The following BTNL8 variants were observed in gnomAD, a reference collection of about 807,000 sequenced individuals.
BTNL8 encodes butyrophilin-like protein 8.
A neutral mutation model predicts 36.1 loss-of-function variants in BTNL8; 22 were observed. The observed-to-expected ratio is 0.61, with a 90% CI of 0.44 to 0.87. The LOEUF is 0.87. Among genes scored for constraint, BTNL8 ranks in the 40% least tolerant of loss-of-function variants. The pLI is 0.00. For synonymous variants in BTNL8, 203 were observed against 235.6 expected (o/e 0.86, Z 1.27); for missense variants, 526 against 616.9 (o/e 0.85, Z 1.56).
chr5:180,943,910 A>T (rs1247531229), intron 3 of BTNL8, among the ~76,000 whole-genome samples: 2 of 152,274 alleles, frequency 1.3e-5, no homozygotes, highest in African/African-American at 4.8e-5. Flanking sequence ...AGTAATAAAA[A>T]GAGTGAAATC....
intron 4 of BTNL8, 130 bp downstream of exon 4, chr5:180,947,755 A>G (rs758931146): frequency 6.2e-7 from 1 of 1,613,740 alleles, no homozygotes; most frequent in Non-Finnish European, 8.5e-7. Context: ...GGCCCAAAAA[A>G]GTAATCATCC....
chr5:180,949,186 G>A lies in BTNL8; in HGVS notation c.836-53G>A, dbSNP rs184252862. The A allele has an allele frequency of 2.4e-4, 341 of 1,441,574 alleles. 57 individuals carry two copies. The highest frequency in any genetic ancestry group is 1.8e-3 in the South Asian group (158 of 88,856). The allele number at this position is 1,441,574 out of a possible 1,614,324, so 89.3% of individuals were successfully genotyped here. ...TCCTTGGTCTTTCCCTTCTCCCTGCGCCCTGTTTCCCACGTGAGCACTGAA... is the reference window on the plus strand; with the variant it reads ...TCCTTGGTCTTTCCCTTCTCCCTGCACCCTGTTTCCCACGTGAGCACTGAA... On this transcript the variant is annotated intron_variant, in intron 6 of 7. Transcript: ENST00000340184.
chr5:180,902,514 A>AG, intron 1 of BTNL8: 1 of 1,067,718 alleles, frequency 9.4e-7, no homozygotes. Context: ...CACACTATAA[A>AG]GGGTTTTTTT....
chr5:180,931,571 G>C (rs1758384527), intron 3 of BTNL8, among the ~76,000 whole-genome samples: 1 of 151,928 alleles, frequency 6.6e-6, no homozygotes, highest in Admixed American at 6.6e-5. Context: ...CTGACAAAGG[G>C]CTAATATCCA....
rs369246811 is a variant in BTNL8, at chr5:180,928,840, C to A, written c.673+17226C>A. Reference sequence around the variant, plus strand: ...AAGTTCTTAGAGACCTACAAAGAGACTTAGACTCCCACACAATAATAGTGG... The same window carrying A: ...AAGTTCTTAGAGACCTACAAAGAGAATTAGACTCCCACACAATAATAGTGG... On this transcript the variant is annotated intron_variant, in intron 3 of 7. Coordinates refer to ENST00000340184, the MANE Select transcript of BTNL8 (RefSeq NM_001040462.3). 2.6e-5 allele frequency among the ~76,000 whole-genome samples: 4 copies of A among 152,308 alleles called. No homozygotes were observed. The South Asian group carries it at 6.2e-4, about 24-fold the overall frequency.
intron 1 of BTNL8, chr5:180,902,382 C>T: frequency 6.4e-7 from 1 of 1,550,950 alleles, no homozygotes; most frequent in Non-Finnish European, 8.7e-7. Context: ...CTGATGTGGA[C>T]ATGGTTTGTC....
rs1176477871 is a variant in BTNL8 at position 180,908,858 on chromosome 5, G to A, written c.322G>A (p.Asp108Asn). ...SLRLENITVL[D>N]AGLYGCRISS... ...GAGGCTGGAAAACATTACTGTGTTG[G>A]ATGCTGGCCTCTATGGGTGCAGGAT... The change falls in exon 2 of 8, where the codon GAT becomes AAT. Residue 108 changes from aspartate (D) to asparagine (N), a missense_variant. Around this residue, in one of 2 missense-constraint regions of BTNL8, gnomAD observed 350 missense variants for 324.6 expected, o/e 1.08. Transcript: ENST00000340184. The A allele has an allele frequency of 6.2e-7, 1 of 1,614,206 alleles. No individual in the cohort carries two copies. Among genetic ancestry groups the A allele is most frequent in the South Asian group, 1.1e-5 (1 of 91,084 alleles).
At chr5:180,910,597 T>C (rs796115086) in intron 2 of BTNL8, among the ~76,000 whole-genome samples, 32 of 152,366 alleles carry the variant, frequency 2.1e-4, no homozygotes, top group African/African-American at 7.7e-4. Context: ...CTAACTTGCC[T>C]ATTGCCTTCC....
chr5:180,927,034 C>A (rs6872319), intron 3 of BTNL8, among the ~76,000 whole-genome samples: 68,213 of 151,974 alleles, frequency 0.45, 16,396 homozygotes, highest in African/African-American at 0.63. Flanking sequence ...CTGAAAGACA[C>A]CTCCCAGCAG....
At chr5:180,947,112 A>T (rs1759296122) in intron 3 of BTNL8, among the ~76,000 whole-genome samples, 1 of 152,262 alleles carries the variant, frequency 6.6e-6, no homozygotes, top group African/African-American at 2.4e-5. Flanking sequence ...AACTTAGTCT[A>T]GTTTATACCA....
Position 180,911,510 on chromosome 5 carries a change from A to G in BTNL8, c.569A>G (p.Asp190Gly). 6.2e-7 allele frequency: 1 copy of G among 1,614,134 alleles called. No homozygotes were observed. Among genetic ancestry groups the G allele is most frequent in the Non-Finnish European group, 8.5e-7 (1 of 1,180,020 alleles). ...AACAGAGACATGCATGGCCTGTTTG[A>G]TGTGGAGATCTCTCTGACCGTCCAA... Reference protein sequence around the residue: ...RTNRDMHGLFDVEISLTVQEN... With the variant: ...RTNRDMHGLFGVEISLTVQEN... Residue 190 changes from aspartate (D) to glycine (G), a missense_variant, in exon 3 of 8, where the codon GAT (aspartate) becomes GGT (glycine). Physicochemically the swap from Asp to Gly is moderately conservative, Grantham distance 94. Around this residue, in one of 2 missense-constraint regions of BTNL8, gnomAD observed 350 missense variants for 324.6 expected, o/e 1.08. Transcript: ENST00000340184.
At chr5:180,942,875 G>C (rs1318393819) in intron 3 of BTNL8, among the ~76,000 whole-genome samples, 1 of 151,938 alleles carries the variant, frequency 6.6e-6, no homozygotes, top group Non-Finnish European at 1.5e-5. Context: ...CATTGGACTG[G>C]GCAATAATTT....
intron 3 of BTNL8, among the ~76,000 whole-genome samples, chr5:180,940,004 G>A (rs1268972792): frequency 6.6e-6 from 1 of 152,070 alleles, no homozygotes; most frequent in African/African-American, 2.4e-5. Context: ...GCTTAATGCA[G>A]AAATTAAAAA....
intron 1 of BTNL8, among the ~76,000 whole-genome samples, chr5:180,899,928 G>C (rs897401575): frequency 6.6e-6 from 1 of 152,172 alleles, no homozygotes; most frequent in Non-Finnish European, 1.5e-5. Context: ...AATTCACAGA[G>C]GAAGCTTGAG....
chr5:180,911,040 C>T (rs976227624), intron 2 of BTNL8, among the ~76,000 whole-genome samples: 15 of 152,226 alleles, frequency 9.9e-5, no homozygotes, highest in Non-Finnish European at 1.5e-4. Context: ...GTTACTCCTA[C>T]GCCTGGCGGC....
chr5:180,940,343 GA>G (rs201333207), intron 3 of BTNL8, among the ~76,000 whole-genome samples: 33,850 of 126,174 alleles, frequency 0.27, 4,401 homozygotes, highest in Admixed American at 0.34. Flanking sequence ...CATCTCAGAG[GA>G]AAAAAAAAAA....
At chr5:180,933,257 A>T (rs1171033008) in intron 3 of BTNL8, among the ~76,000 whole-genome samples, 1 of 152,226 alleles carries the variant, frequency 6.6e-6, no homozygotes, top group Non-Finnish European at 1.5e-5. Context: ...TAATCTAGAC[A>T]CACAATCAAT....
intron 3 of BTNL8, among the ~76,000 whole-genome samples, chr5:180,923,575 G>T (rs1444516480): frequency 6.6e-6 from 1 of 151,808 alleles, no homozygotes; most frequent in Middle Eastern, 3.2e-3. Flanking sequence ...CATGGTAGGA[G>T]GTTTAAACCC....
chr5:180,899,317 C>T lies in BTNL8; in HGVS notation c.7C>T (p.Leu3Phe). 1 of 1,614,182 alleles carries T rather than the reference C, an allele frequency of 6.2e-7. No homozygotes were observed. The highest frequency in any genetic ancestry group is 8.5e-7 in the Non-Finnish European group (1 of 1,180,018). The part of the protein sequence containing the change: MA[L>F]MLSLVLSLLK... ...CCATTCACAGAACACATCCATGGCT[C>T]TCATGCTCAGTTTGGTTCTGAGTCT... The change falls in exon 1 of 8, where the codon CTC becomes TTC. Residue 3 changes from leucine to phenylalanine, a missense_variant. Coordinates refer to ENST00000340184, the MANE Select transcript of BTNL8 (RefSeq NM_001040462.3).
Sources: allele counts gnomAD v4.1 joint callset (sites outside exome capture counted in the v4.1 genomes callset), GRCh38; gene constraint gnomAD v4.1.1; regional missense constraint gnomAD v4.1.1; transcripts MANE v1.5; gene names NCBI Gene and HGNC (gene_info 2026-07-23, HGNC 2026-07-21).